Variants in ATAD2B observed in about 807,000 individuals in gnomAD.
ATAD2B encodes the protein ATPase family AAA domain containing 2B.
In ATAD2B, 40 loss-of-function variants were observed where a neutral mutation model predicts 167.6. The ratio of observed to expected loss-of-function variants is 0.24; its 90% CI spans 0.19 to 0.31. The LOEUF is 0.31. Ranked by LOEUF, ATAD2B falls within the 10% of genes least tolerant of loss-of-function variation. The probability of loss-of-function intolerance (pLI) is 1.00; values close to 1 mark genes in which losing one functional copy is unlikely to be tolerated. For synonymous variants in ATAD2B, 579 were observed against 596.5 expected (o/e 0.97, Z 0.43); for missense variants, 1,242 against 1,757.2 (o/e 0.71, Z 5.24).
chr2:23,735,407 C>T, the ATAD2B span, among the ~76,000 whole-genome samples: 1 of 152,204 alleles, frequency 6.6e-6, no homozygotes, highest in African/African-American at 2.4e-5. Flanking sequence ...TCCATATCAT[C>T]AGTAGATGAG....
chr2:23,715,879 T>C, the ATAD2B span, among the ~76,000 whole-genome samples: 29 of 152,356 alleles, frequency 1.9e-4, no homozygotes, highest in Non-Finnish European at 1.5e-5. Flanking sequence ...ACTACAGAGC[T>C]GACAGCTTAC....
chr2:23,869,527 T>C (rs1289537638), intron 9 of ATAD2B, 136 bp downstream of exon 9: 1 of 642,750 alleles, frequency 1.6e-6, no homozygotes, highest in Non-Finnish European at 2.7e-6. Flanking sequence ...AAAGAAAAGC[T>C]AAGTAGAAAC....
chr2:23,887,293 C>T (rs530319173), intron 4 of ATAD2B, among the ~76,000 whole-genome samples: 24 of 152,232 alleles, frequency 1.6e-4, no homozygotes, highest in African/African-American at 5.5e-4. Flanking sequence ...AACTCCCGGG[C>T]ACAGGATCTT....
chr2:23,874,185 C>T (rs1318605586), intron 8 of ATAD2B, among the ~76,000 whole-genome samples: 4 of 149,004 alleles, frequency 2.7e-5, no homozygotes, highest in Non-Finnish European at 4.5e-5. Flanking sequence ...AGGCTCCATC[C>T]CAAAAAAAAA....
In ATAD2B at chr2:23,828,842, C is replaced by A. The variant is rs765710050; in HGVS notation, c.1819+7G>T. 8.8e-6 allele frequency: 14 copies of A among 1,591,768 alleles called. No individual in the cohort carries two copies. The highest frequency in any genetic ancestry group is 1.2e-5 in the Non-Finnish European group (14 of 1,162,754). On this transcript the variant is annotated splice_region_variant and intron_variant, in intron 15 of 27. Transcript: ENST00000238789. Reference sequence around the variant, plus strand: ...GACAATCAAAAAATTCAAACAGTAACACTCACCAACACATTTTTCAGCCAA... The same window carrying A: ...GACAATCAAAAAATTCAAACAGTAAAACTCACCAACACATTTTTCAGCCAA...
At position 23,810,244 on chromosome 2, in the gene ATAD2B, T is replaced by C. The variant is rs1685346344; in HGVS notation, c.2454+72A>G. On this transcript the variant is annotated intron_variant, in intron 18 of 27. Transcript: ENST00000238789. ...TCTGAAAAAATCTTATCTTTAACAC[T>C]ACACACTAGAAATACTACCAAATTA... is the stretch of plus-strand genomic sequence containing the variant. 9 of 1,354,300 alleles carry C rather than the reference T, an allele frequency of 6.6e-6. No individual in the cohort carries two copies. The East Asian group carries it at 2.1e-4, about 31-fold the overall frequency. The allele number at this position is 1,354,300 out of a possible 1,614,324, so 83.9% of individuals were successfully genotyped here. A position where few individuals can be genotyped will look rare whatever the true frequency, so the allele number is the denominator to read the frequency against.
the ATAD2B span, among the ~76,000 whole-genome samples, chr2:23,713,800 T>C: frequency 6.6e-6 from 1 of 152,230 alleles, no homozygotes; most frequent in South Asian, 2.1e-4. Flanking sequence ...ACAATGGATA[T>C]ATACAAAAAT....
chr2:23,793,819 T>C (rs1682184441), intron 19 of ATAD2B, among the ~76,000 whole-genome samples: 1 of 152,232 alleles, frequency 6.6e-6, no homozygotes, highest in South Asian at 2.1e-4. Context: ...ACAAACTTTT[T>C]GGTCTCAGGA....
At chr2:23,743,141 CAA>C in the ATAD2B span, among the ~76,000 whole-genome samples, 67 of 127,148 alleles carry the variant, frequency 5.3e-4, no homozygotes, top group Non-Finnish European at 5.0e-4. Flanking sequence ...GATGTTCGCC[CAA>C]AAAAAAAAAA....
intron 15 of ATAD2B, among the ~76,000 whole-genome samples, chr2:23,824,813 A>G (rs1195197413): frequency 6.6e-6 from 1 of 152,242 alleles, no homozygotes; most frequent in Admixed American, 6.5e-5. Flanking sequence ...CAAACTAGCC[A>G]TATTGTTTTC....
chr2:23,680,663 C>T, the ATAD2B span, among the ~76,000 whole-genome samples: 1 of 151,470 alleles, frequency 6.6e-6, no homozygotes, highest in Non-Finnish European at 1.5e-5. This position sits in a 1 kb window ranked among gnomAD's most constrained non-coding sequence, Gnocchi z 4.1. Context: ...AGGCCATCTT[C>T]TCCTGGGCTC....
In ATAD2B at chr2:23,788,593, T is replaced by C. The variant is rs1453962036; in HGVS notation, c.2695A>G (p.Ile899Val). ...AAAAATTTTCTTCTGTCTTCTTCAA[T>C]AGGCCTTTGAATATACAAGACCTCT... ...YEEVLYIQRP[I>V]EEDRRKFFQE... The change falls in exon 20 of 28, where the codon ATT becomes GTT. Residue 899 changes from isoleucine (I) to valine (V), a missense_variant. By Grantham distance (29) the Ile-to-Val change is conservative. Around this residue, in one of 9 missense-constraint regions of ATAD2B, gnomAD observed 204 missense variants for 324.0 expected, o/e 0.63. Transcript: ENST00000238789. 3 of 1,608,212 alleles carry C rather than the reference T, an allele frequency of 1.9e-6. No individual in the cohort carries two copies. The highest frequency in any genetic ancestry group is 2.2e-5 in the East Asian group (1 of 44,842).
At chr2:23,923,227 T>C (rs182178382) in intron 1 of ATAD2B, among the ~76,000 whole-genome samples, 1 of 152,268 alleles carries the variant, frequency 6.6e-6, no homozygotes, top group East Asian at 1.9e-4. Context: ...CTAGAGGATG[T>C]TACACTAAAT....
At chr2:23,924,521 T>G (rs1485692208) in intron 1 of ATAD2B, among the ~76,000 whole-genome samples, 1 of 152,126 alleles carries the variant, frequency 6.6e-6, no homozygotes, top group African/African-American at 2.4e-5. Context: ...AAATTCAGAA[T>G]TATAATTTAT....
intron 13 of ATAD2B, among the ~76,000 whole-genome samples, chr2:23,848,903 A>G (rs1692108219): frequency 6.6e-6 from 1 of 152,122 alleles, no homozygotes; most frequent in African/African-American, 2.4e-5. Context: ...GTATGTTAAA[A>G]CCTTCCAAGT....
chr2:23,899,137 A>G (rs1479826065), intron 1 of ATAD2B, among the ~76,000 whole-genome samples: 2 of 152,134 alleles, frequency 1.3e-5, no homozygotes, highest in Admixed American at 1.3e-4. Flanking sequence ...AACAAGAGGG[A>G]AACTGTCGCA....
rs530844354 is a variant in ATAD2B, at chr2:23,769,389, G to C, written c.3134-3761C>G. Among the ~76,000 whole-genome samples, 5 of 152,098 alleles carry C rather than the reference G, an allele frequency of 3.3e-5. No homozygotes were observed. The South Asian group carries it at 1.0e-3, about 32-fold the overall frequency. ...CAGGAGGCAGAGGTTGCAGTGAGCC[G>C]AGACAGCGCCACTGCACTCCAGCCT... On this transcript the variant is annotated intron_variant, in intron 22 of 27. Coordinates refer to ENST00000238789, the MANE Select transcript of ATAD2B (RefSeq NM_017552.4).
At chr2:23,811,451 TCTGCCAGAGCC>T (rs1685575956) in intron 17 of ATAD2B, 1 of 152,272 alleles carries the variant, frequency 6.6e-6, no homozygotes, top group Non-Finnish European at 1.5e-5. Flanking sequence ...AGACACCAAA[TCTGCCAGAGCC>T]TTCATCTTAG....
chr2:23,767,973 A>G (rs1336822272), intron 22 of ATAD2B, among the ~76,000 whole-genome samples: 1 of 152,170 alleles, frequency 6.6e-6, no homozygotes, highest in Non-Finnish European at 1.5e-5. Context: ...CAAAGAGTTC[A>G]GCTTCAGGCA....
Sources: gnomAD v4.1 joint callset for allele counts (sites outside exome capture counted in the v4.1 genomes callset) on GRCh38, gnomAD v4.1.1 for gene constraint, gnomAD v4.1.1 regional missense constraint, Gnocchi (gnomAD v3.1) non-coding constraint, MANE v1.5 for transcripts, NCBI Gene and HGNC (gene_info 2026-07-23, HGNC 2026-07-21) for gene names.